Variants in NOP14 observed in about 807,000 individuals in gnomAD.
NOP14 encodes NOP14 nucleolar protein.
NOP14 carries 57 observed loss-of-function variants against 101.6 expected under a neutral mutation model. The ratio of observed to expected loss-of-function variants is 0.56; its 90% CI spans 0.45 to 0.70. The LOEUF (loss-of-function observed/expected upper bound fraction) is 0.70, where lower values mean the gene tolerates loss of function less well. Among genes scored for constraint, NOP14 ranks in the 30% least tolerant of loss-of-function variants. The pLI is 0.00. For synonymous variants in NOP14, 428 were observed against 424.0 expected, an observed-to-expected ratio of 1.01 and a Z score of -0.12; for missense variants, 1,134 against 1,075.5, an observed-to-expected ratio of 1.05 and a Z score of -0.76.
chr4:2,950,511 C>T (rs1714953805), intron 7 of NOP14: 5 of 438,730 alleles, frequency 1.1e-5, no homozygotes, highest in East Asian at 4.3e-5. Flanking sequence ...ACAGTGGCTG[C>T]GGGCTTTAGC....
chr4:2,955,733 G>A (rs1280587226), intron 3 of NOP14, among the ~76,000 whole-genome samples: 1 of 152,260 alleles, frequency 6.6e-6, no homozygotes, highest in East Asian at 1.9e-4. Context: ...ACAATGAAAA[G>A]AGCAAAGACA....
intron 7 of NOP14, chr4:2,950,434 C>T (rs557406724): frequency 7.7e-5 from 45 of 585,986 alleles, no homozygotes; most frequent in South Asian, 6.4e-4. Flanking sequence ...GAGAACCCTG[C>T]GGCAGGATGC....
intron 7 of NOP14, 78 bp from the exon 8 acceptor site, chr4:2,950,291 G>T: frequency 1.3e-6 from 2 of 1,491,126 alleles, no homozygotes; most frequent in Non-Finnish European, 1.8e-6. Context: ...ACATCAAGAG[G>T]CTGCCCACAT....
chr4:2,956,958 A>G (rs1715387847), intron 2 of NOP14, 147 bp from the exon 3 acceptor site: 1 of 657,310 alleles, frequency 1.5e-6, no homozygotes, highest in South Asian at 2.1e-5. Context: ...TGGGTCAACT[A>G]AGCAATGATT....
intron 11 of NOP14, 84 bp from the exon 12 acceptor site, chr4:2,945,313 A>G (rs1714541981): frequency 9.7e-7 from 1 of 1,030,430 alleles, no homozygotes; most frequent in East Asian, 2.7e-5. Flanking sequence ...CGGAGCCAAG[A>G]ACAGGATCTG....
rs547958857 is a variant in NOP14, at chr4:2,939,707, G to GC, written c.2200-63dup. 758 of 1,260,870 alleles carry GC rather than the reference G, an allele frequency of 6.0e-4. 14 individuals are homozygous for GC. In the South Asian group the frequency reaches 8.7e-3, roughly 14 times the overall value. The allele number at this position is 1,260,870 out of a possible 1,614,324, so 78.1% of individuals were successfully genotyped here. A position where few individuals can be genotyped will look rare whatever the true frequency, so the allele number is the denominator to read the frequency against. On this transcript the variant is annotated intron_variant, in intron 15 of 17. Coordinates refer to ENST00000416614, the MANE Select transcript of NOP14 (RefSeq NM_001291978.2). ...ACCTGCTGCGTGCCCTGAGCTCCAC[G>GC]CACGGGTTCTGTGGTGTCAAGGCAG...
At position 2,942,088 on chromosome 4, in the gene NOP14, G is replaced by A. The variant is rs915530512; in HGVS notation, c.2051+104C>T. On this transcript the variant is annotated intron_variant, in intron 14 of 17. Transcript: ENST00000416614. The stretch of plus-strand genomic sequence containing the variant: ...GGCCTCCATCAAACCAAACGGCCGG[G>A]CGGCAAGTTCACTAAGAACAGCACA... 5.0e-5 allele frequency: 60 copies of A among 1,200,974 alleles called. No homozygotes were observed. In the South Asian group the frequency reaches 9.0e-4, roughly 18 times the overall value. The allele number at this position is 1,200,974 out of a possible 1,614,324, so 74.4% of individuals were successfully genotyped here. A position where few individuals can be genotyped will look rare whatever the true frequency, so the allele number is the denominator to read the frequency against.
chr4:2,946,948 G>C, intron 10 of NOP14: 1 of 229,978 alleles, frequency 4.3e-6, no homozygotes, highest in South Asian at 6.0e-5. Flanking sequence ...CAGGAAGCTG[G>C]TGTGCACTCT....
chr4:2,955,689 C>T (rs941314329), intron 3 of NOP14, among the ~76,000 whole-genome samples: 9 of 152,252 alleles, frequency 5.9e-5, no homozygotes, highest in Non-Finnish European at 1.0e-4. Context: ...CCAGGGAATG[C>T]GTTTTATAGC....
At chr4:2,949,172 T>C (rs3021145) in intron 8 of NOP14, among the ~76,000 whole-genome samples, 72,108 of 152,024 alleles carry the variant, frequency 0.47, 18,499 homozygotes, top group African/African-American at 0.67. Context: ...AGGCACAGAA[T>C]AATTCGGCAT....
At chr4:2,960,669 A>G (rs1715674297) in intron 1 of NOP14, among the ~76,000 whole-genome samples, 1 of 140,118 alleles carries the variant, frequency 7.1e-6, no homozygotes. Flanking sequence ...ATATTATTAT[A>G]TTAATATTAT....
chr4:2,951,928 G>A (rs542628561), intron 6 of NOP14, among the ~76,000 whole-genome samples: 38 of 152,272 alleles, frequency 2.5e-4, no homozygotes, highest in Non-Finnish European at 3.2e-4. Context: ...CCAACATGGC[G>A]AAATCCTATC....
intron 13 of NOP14, among the ~76,000 whole-genome samples, chr4:2,943,432 C>T (rs554277714): frequency 6.6e-6 from 1 of 152,214 alleles, no homozygotes; most frequent in Non-Finnish European, 1.5e-5. Context: ...CTCCTCACCC[C>T]CCAGAGGGAA....
chr4:2,963,321 G>T lies in NOP14; in HGVS notation c.-2C>A, dbSNP rs550571029. On this transcript the variant is annotated 5_prime_UTR_variant, in exon 1 of 18. Coordinates refer to ENST00000416614, the MANE Select transcript of NOP14 (RefSeq NM_001291978.2). The stretch of plus-strand genomic sequence containing the variant: ...CCCGACCTTCTTCGCCTTCGCCATG[G>T]CGCGCGCCCCGCTGCGCCCAAGGGC... The T allele has an allele frequency of 6.7e-5, 106 of 1,571,922 alleles. 1 individual carries two copies. The African/African-American group carries it at 1.2e-3, about 18-fold the overall frequency.
chr4:2,954,372 G>GTCTTACC, intron 4 of NOP14, 52 bp downstream of exon 4: 1 of 1,587,478 alleles, frequency 6.3e-7, no homozygotes, highest in Non-Finnish European at 8.6e-7. Context: ...AACACATTTT[G>GTCTTACC]GTGAGCCTGT....
chr4:2,960,750 T>C (rs189326415), intron 1 of NOP14, among the ~76,000 whole-genome samples: 21 of 76,128 alleles, frequency 2.8e-4, no homozygotes, highest in East Asian at 2.3e-3. Context: ...ATATTAATAT[T>C]ATAATCACAT....
At chr4:2,954,646 C>A in intron 3 of NOP14, 83 bp from the exon 4 acceptor site, 1 of 1,503,858 alleles carries the variant, frequency 6.6e-7, no homozygotes, top group Non-Finnish European at 8.9e-7. Flanking sequence ...GCCAGTGCTT[C>A]CCCCATAGTG....
At position 2,959,349 on chromosome 4, in the gene NOP14, C is replaced by T. The variant is rs376282413; in HGVS notation, c.196-1609G>A. ...GGCTCACGCCTGTAATTCCAGCACT[C>T]TGGGAGGCCAAGGCGGGCGGATCAC... On this transcript the variant is annotated intron_variant, in intron 1 of 17. Transcript: ENST00000416614. Among the ~76,000 whole-genome samples, 897 of 152,242 alleles carry T rather than the reference C, an allele frequency of 5.9e-3. 5 individuals are homozygous for T. The highest frequency in any genetic ancestry group is 8.8e-3 in the Non-Finnish European group (601 of 68,012).
intron 3 of NOP14, among the ~76,000 whole-genome samples, chr4:2,956,389 G>A (rs1424554205): frequency 6.6e-6 from 1 of 152,102 alleles, no homozygotes; most frequent in African/African-American, 2.4e-5. Context: ...CTCATGGGTA[G>A]AACGAGCTAT....
Sources: gnomAD v4.1 joint callset for allele counts (sites outside exome capture counted in the v4.1 genomes callset) on GRCh38, gnomAD v4.1.1 for gene constraint, MANE v1.5 for transcripts, NCBI Gene and HGNC (gene_info 2026-07-23, HGNC 2026-07-21) for gene names.